FGGY: variants seen among roughly 807,000 people sequenced by gnomAD.
FGGY encodes the protein FGGY carbohydrate kinase domain-containing protein.
FGGY carries 72 observed loss-of-function variants against 71.3 expected under a neutral mutation model. That is an observed-to-expected ratio of 1.01 (90% CI 0.84 to 1.23). The LOEUF (loss-of-function observed/expected upper bound fraction) is 1.23, where lower values mean the gene tolerates loss of function less well. Ranked by LOEUF, FGGY falls within the 50% of genes most tolerant of loss-of-function variation. The pLI is 0.00. For missense variants in FGGY, 668 were observed against 682.3 expected (o/e 0.98, Z 0.23); for synonymous variants, 251 against 250.3 (o/e 1.00, Z -0.02).
intron 14 of FGGY, among the ~76,000 whole-genome samples, chr1:59,689,856 C>T (rs1418902757): frequency 6.6e-6 from 1 of 152,172 alleles, no homozygotes; most frequent in African/African-American, 2.4e-5. Context: ...CCACTTTCTA[C>T]CAGCTCAAAA....
intron 14 of FGGY, chr1:59,680,891 A>G (rs1164619713): frequency 2.0e-5 from 3 of 152,200 alleles, no homozygotes; most frequent in African/African-American, 7.2e-5. Flanking sequence ...GAAGTACACT[A>G]TGGCAACTGA....
chr1:59,433,776 G>C (rs914883787), intron 5 of FGGY, among the ~76,000 whole-genome samples: 1 of 152,256 alleles, frequency 6.6e-6, no homozygotes, highest in East Asian at 1.9e-4. Flanking sequence ...TTTTCCCACC[G>C]TCTAAGCCAG....
intron 10 of FGGY, among the ~76,000 whole-genome samples, chr1:59,635,549 C>CAAAATAAAA (rs2096950266): frequency 7.6e-6 from 1 of 131,112 alleles, no homozygotes. Flanking sequence ...CATGCGTTTC[C>CAAAATAAAA]AAAAAAAAAA....
At chr1:59,575,551 G>T (rs576022341) in intron 8 of FGGY, among the ~76,000 whole-genome samples, 2 of 152,232 alleles carry the variant, frequency 1.3e-5, no homozygotes, top group East Asian at 1.9e-4. Flanking sequence ...GAATAATGGT[G>T]CAGTGAACAT....
intron 5 of FGGY, among the ~76,000 whole-genome samples, chr1:59,422,028 C>T (rs1322991198): frequency 6.6e-6 from 1 of 152,156 alleles, no homozygotes; most frequent in Non-Finnish European, 1.5e-5. Context: ...CTGATTTAAT[C>T]ATTGCCTATG....
chr1:59,729,683 G>A (rs1199493702), intron 14 of FGGY, among the ~76,000 whole-genome samples: 1 of 152,094 alleles, frequency 6.6e-6, no homozygotes, highest in Non-Finnish European at 1.5e-5. Flanking sequence ...TATTATACTG[G>A]GGTCATGTCG....
At chr1:59,569,940 C>A (rs528810132) in intron 8 of FGGY, among the ~76,000 whole-genome samples, 5 of 152,292 alleles carry the variant, frequency 3.3e-5, no homozygotes, top group Non-Finnish European at 7.4e-5. Flanking sequence ...CTTGGTTCAT[C>A]TTCATTTACT....
chr1:59,406,543 G>C (rs2062788820), intron 5 of FGGY, among the ~76,000 whole-genome samples: 1 of 152,140 alleles, frequency 6.6e-6, no homozygotes, highest in South Asian at 2.1e-4. Flanking sequence ...TTGGCTGTAA[G>C]TTCAGTGTTA....
intron 6 of FGGY, among the ~76,000 whole-genome samples, chr1:59,478,544 A>G (rs656745): frequency 0.44 from 66,840 of 152,096 alleles, 14,881 homozygotes; most frequent in Middle Eastern, 0.51. Context: ...GATATTTGGT[A>G]AATGAATGAA....
intron 14 of FGGY, among the ~76,000 whole-genome samples, chr1:59,709,221 A>C (rs1415314701): frequency 6.6e-6 from 1 of 152,234 alleles, no homozygotes; most frequent in Non-Finnish European, 1.5e-5. Context: ...CAGGAAACTT[A>C]CAATCATGGT....
At chr1:59,593,055 C>T (rs776950023) in intron 8 of FGGY, among the ~76,000 whole-genome samples, 1 of 152,220 alleles carries the variant, frequency 6.6e-6, no homozygotes, top group African/African-American at 2.4e-5. Flanking sequence ...CACACATATA[C>T]ACCCTGATGC....
At chr1:59,598,851 G>A (rs2153806094) in intron 8 of FGGY, among the ~76,000 whole-genome samples, 1 of 152,286 alleles carries the variant, frequency 6.6e-6, no homozygotes, top group East Asian at 1.9e-4. Flanking sequence ...GCCATGTCCT[G>A]CACTTGTGTA....
At position 59,641,030 on chromosome 1, in the gene FGGY, A is replaced by G. The variant is rs552240206; in HGVS notation, c.1221+2655A>G. ...GTCCAGAGCTCTCCAGATGCATGGA[A>G]GACGATTGCCCAACCTGGTCCCAGC... On this transcript the variant is annotated intron_variant, in intron 11 of 15. Coordinates refer to ENST00000303721, the MANE Select transcript of FGGY (RefSeq NM_018291.5). 5.3e-5 allele frequency among the ~76,000 whole-genome samples: 8 copies of G among 150,926 alleles called. 1 individual carries two copies. Among genetic ancestry groups the G allele is most frequent in the African/African-American group, 2.0e-4 (8 of 40,516 alleles).
intron 4 of FGGY, among the ~76,000 whole-genome samples, chr1:59,377,125 C>G (rs2058754938): frequency 6.6e-6 from 1 of 151,978 alleles, no homozygotes; most frequent in East Asian, 2.0e-4. Context: ...AGCTGAGGGT[C>G]CTCTCAGTTG....
intron 8 of FGGY, among the ~76,000 whole-genome samples, chr1:59,574,903 T>C (rs1168012401): frequency 6.6e-6 from 1 of 152,176 alleles, no homozygotes; most frequent in Non-Finnish European, 1.5e-5. Context: ...TCAGTGCTAG[T>C]TATGTTTAAT....
intron 3 of FGGY, among the ~76,000 whole-genome samples, chr1:59,343,508 C>A (rs1329813534): frequency 6.6e-6 from 1 of 152,170 alleles, no homozygotes; most frequent in East Asian, 1.9e-4. Flanking sequence ...GCTCTTTGCT[C>A]CTCCTCCACA....
intron 2 of FGGY, among the ~76,000 whole-genome samples, chr1:59,325,282 G>T (rs956952134): frequency 6.6e-6 from 1 of 152,120 alleles, no homozygotes; most frequent in African/African-American, 2.4e-5. Context: ...GCGTGAACCT[G>T]GGAGGCGGAG....
intron 5 of FGGY, among the ~76,000 whole-genome samples, chr1:59,429,867 C>T (rs1246695715): frequency 6.6e-6 from 1 of 152,206 alleles, no homozygotes; most frequent in Non-Finnish European, 1.5e-5. Flanking sequence ...GATTTTGTTA[C>T]ACCCTTCTGA....
rs545991292 is a variant in FGGY, at chr1:59,718,050, CA to C, written c.1513-39880del. On this transcript the variant is annotated intron_variant, in intron 14 of 15. Coordinates refer to ENST00000303721, the MANE Select transcript of FGGY (RefSeq NM_018291.5). ...ACCCATGCAGTTTGGCCCCTGAGTC[CA>C]TGCTCTTACTTACTGTCACATTACC... 2.9e-3 allele frequency among the ~76,000 whole-genome samples: 435 copies of C among 152,256 alleles called. 3 individuals carry two copies. The highest frequency in any genetic ancestry group is 9.5e-3 in the African/African-American group (395 of 41,552).
Sources: allele counts gnomAD v4.1 joint callset (sites outside exome capture counted in the v4.1 genomes callset), GRCh38; gene constraint gnomAD v4.1.1; transcripts MANE v1.5; gene names NCBI Gene and HGNC (gene_info 2026-07-23, HGNC 2026-07-21).